The following SHOC2 variants were observed in gnomAD, a reference collection of about 807,000 sequenced individuals.
The protein encoded by SHOC2 is leucine-rich repeat protein SHOC-2.
A neutral mutation model predicts 50.2 loss-of-function variants in SHOC2; 4 were observed. The ratio of observed to expected loss-of-function variants is 0.08; its 90% CI spans 0.04 to 0.18. The LOEUF (loss-of-function observed/expected upper bound fraction) is 0.18. Among genes scored for constraint, SHOC2 ranks in the 10% least tolerant of loss-of-function variants. SHOC2 has a pLI of 1.00. For synonymous variants in SHOC2, 218 were observed against 244.5 expected (o/e 0.89, Z 1.01); for missense variants, 388 against 669.6 (o/e 0.58, Z 4.64).
At chr10:110,951,502 T>C (rs7098662) in intron 1 of SHOC2, 1 of 152,204 alleles carries the variant, frequency 6.6e-6, no homozygotes, top group African/African-American at 2.4e-5. Context: ...AAAAGAGAAC[T>C]ACCATATATG....
rs1354032141 is a variant in SHOC2, at chr10:110,964,857, A to G, written c.499A>G (p.Asn167Asp). The change falls in exon 2 of 9, where the codon AAC (asparagine) becomes GAC (aspartate). Residue 167 changes from asparagine (N) to aspartate (D), a missense_variant. Coordinates refer to ENST00000369452, the MANE Select transcript of SHOC2 (RefSeq NM_007373.4). This position sits in a 1 kb window ranked among gnomAD's most constrained non-coding sequence, Gnocchi z 4.9. ...TACCAGTTTGCCTGACTCTCTTGAT[A>G]ACTTGAAGAAGCTGCGGATGCTTGA... Reference protein sequence around the residue: ...SLTSLPDSLDNLKKLRMLDLR... With the variant: ...SLTSLPDSLDDLKKLRMLDLR... The G allele has an allele frequency of 6.2e-7, 1 of 1,614,084 alleles. No homozygotes were observed. The highest frequency in any genetic ancestry group is 2.2e-5 in the East Asian group (1 of 44,886).
chr10:110,977,793 C>T (rs2134138080), intron 2 of SHOC2, among the ~76,000 whole-genome samples: 1 of 152,284 alleles, frequency 6.6e-6, no homozygotes, highest in Middle Eastern at 3.4e-3. Flanking sequence ...CCCTGATAAA[C>T]TATATATTAT....
chr10:110,954,813 A>G (rs4918615), intron 1 of SHOC2, among the ~76,000 whole-genome samples: 142,463 of 152,212 alleles, frequency 0.94, 66,730 homozygotes, highest in Admixed American at 0.96. Context: ...GTGAAGACTG[A>G]GGAAGAACAT....
chr10:110,978,587 A>G (rs986515677), intron 2 of SHOC2, among the ~76,000 whole-genome samples: 1 of 152,322 alleles, frequency 6.6e-6, no homozygotes, highest in East Asian at 1.9e-4. Flanking sequence ...CAAACTCTTA[A>G]AGACCACAGT....
intron 6 of SHOC2, among the ~76,000 whole-genome samples, chr10:111,008,002 C>T (rs1042713309): frequency 1.3e-5 from 2 of 151,460 alleles, no homozygotes; most frequent in African/African-American, 4.9e-5. Context: ...GATTCTCAGA[C>T]TGTCATTTAG....
chr10:110,933,996 A>G (rs1846946165), intron 1 of SHOC2, among the ~76,000 whole-genome samples: 2 of 152,192 alleles, frequency 1.3e-5, no homozygotes, highest in African/African-American at 4.8e-5. Context: ...TGAATACCAC[A>G]AACAGTGGAA....
At chr10:110,991,112 T>C (rs1416201216) in intron 3 of SHOC2, among the ~76,000 whole-genome samples, 2 of 152,172 alleles carry the variant, frequency 1.3e-5, no homozygotes, top group Non-Finnish European at 1.5e-5. Context: ...AGTCTAACAA[T>C]ATTTTATTAT....
intron 1 of SHOC2, among the ~76,000 whole-genome samples, chr10:110,959,173 G>A (rs1847526823): frequency 6.6e-6 from 1 of 152,178 alleles, no homozygotes; most frequent in Non-Finnish European, 1.5e-5. Flanking sequence ...GCAAAAGTTT[G>A]TACATATGTC....
intron 1 of SHOC2, among the ~76,000 whole-genome samples, chr10:110,955,193 A>T (rs1181160303): frequency 6.6e-6 from 1 of 152,150 alleles, no homozygotes; most frequent in Non-Finnish European, 1.5e-5. Flanking sequence ...CAGCAGGCCA[A>T]GGTAGGAGAC....
chr10:110,968,817 T>A (rs573696053), intron 2 of SHOC2, among the ~76,000 whole-genome samples: 1 of 151,960 alleles, frequency 6.6e-6, no homozygotes, highest in Admixed American at 6.6e-5. Context: ...ATAAAAATAA[T>A]TTTTTTAAAA....
At chr10:110,959,986 A>G (rs1847541249) in intron 1 of SHOC2, among the ~76,000 whole-genome samples, 1 of 152,230 alleles carries the variant, frequency 6.6e-6, no homozygotes, top group Non-Finnish European at 1.5e-5. Flanking sequence ...TGAAAGAATC[A>G]TGATGTCTGC....
intron 6 of SHOC2, among the ~76,000 whole-genome samples, chr10:111,008,377 G>A (rs2134178804): frequency 6.6e-6 from 1 of 151,600 alleles, no homozygotes; most frequent in South Asian, 2.1e-4. Context: ...TTAATAAGGT[G>A]AAATAGTATG....
intron 1 of SHOC2, among the ~76,000 whole-genome samples, chr10:110,950,299 T>C (rs1847326060): frequency 6.6e-6 from 1 of 151,564 alleles, no homozygotes; most frequent in South Asian, 2.1e-4. Context: ...AGCATAAAAA[T>C]AAAAAGGAAT....
At chr10:110,987,356 T>C (rs1364811346) in intron 3 of SHOC2, among the ~76,000 whole-genome samples, 1 of 152,192 alleles carries the variant, frequency 6.6e-6, no homozygotes, top group Admixed American at 6.5e-5. Flanking sequence ...TAGATTGTCT[T>C]AGGTTATACA....
chr10:110,958,002 T>A (rs1029925645), intron 1 of SHOC2, among the ~76,000 whole-genome samples: 1 of 152,172 alleles, frequency 6.6e-6, no homozygotes, highest in African/African-American at 2.4e-5. Flanking sequence ...AACAAACTTG[T>A]CTGTAGCTGA....
intron 4 of SHOC2, among the ~76,000 whole-genome samples, chr10:111,003,398 G>T (rs7086350): frequency 1.3e-5 from 2 of 151,980 alleles, no homozygotes; most frequent in African/African-American, 2.4e-5. Flanking sequence ...CTCACTGTCA[G>T]CTTTCATCCT....
chr10:110,951,397 T>TATATA (rs1225472682), intron 1 of SHOC2, among the ~76,000 whole-genome samples: 32 of 152,174 alleles, frequency 2.1e-4, no homozygotes, highest in Non-Finnish European at 4.0e-4. Context: ...CTGTAAGTGT[T>TATATA]GGTGGGGATA....
chr10:110,985,931 C>T (rs80239404), intron 3 of SHOC2, 166 bp downstream of exon 3: 6,454 of 628,076 alleles, frequency 0.01, 287 homozygotes, highest in East Asian at 0.093. Context: ...ATTTCCTTTT[C>T]TTGGCAAAGA....
At chr10:110,937,633 CTACAG>C (rs1847054156) in intron 1 of SHOC2, among the ~76,000 whole-genome samples, 1 of 152,158 alleles carries the variant, frequency 6.6e-6, no homozygotes, top group Non-Finnish European at 1.5e-5. Context: ...ATCCTAAGAG[CTACAG>C]GTCAGTCCAG....
Sources: gnomAD v4.1 joint callset for allele counts (sites outside exome capture counted in the v4.1 genomes callset) on GRCh38, gnomAD v4.1.1 for gene constraint, Gnocchi (gnomAD v3.1) non-coding constraint, MANE v1.5 for transcripts, NCBI Gene and HGNC (gene_info 2026-07-23, HGNC 2026-07-21) for gene names.